Variants in KCNMB2 observed in about 807,000 individuals in gnomAD.
The protein encoded by KCNMB2 is potassium calcium-activated channel subfamily M regulatory beta subunit 2.
A neutral mutation model predicts 24.5 loss-of-function variants in KCNMB2; 9 were observed. The ratio of observed to expected loss-of-function variants is 0.37; its 90% confidence interval spans 0.22 to 0.64. KCNMB2 has a LOEUF of 0.64. Among genes scored for constraint, KCNMB2 ranks in the 30% least tolerant of loss-of-function variants. KCNMB2 has a pLI of 0.63. For missense variants in KCNMB2, 226 were observed against 284.3 expected, an observed-to-expected ratio of 0.79 and a Z score of 1.47; for synonymous variants, 109 against 104.4, an observed-to-expected ratio of 1.04 and a Z score of -0.27.
At chr3:178,826,200 C>T (rs149002389) in intron 3 of KCNMB2, among the ~76,000 whole-genome samples, 1 of 152,270 alleles carries the variant, frequency 6.6e-6, no homozygotes, top group East Asian at 1.9e-4. Context: ...CCAACCAACC[C>T]CTCCCTCACC....
chr3:178,560,764 T>C (rs1227441149), intron 1 of KCNMB2, among the ~76,000 whole-genome samples: 6 of 152,270 alleles, frequency 3.9e-5, no homozygotes, highest in Non-Finnish European at 8.8e-5. Flanking sequence ...GTCTTGTCTT[T>C]TATCAGAATT....
chr3:178,686,300 A>T (rs891945498), intron 1 of KCNMB2, among the ~76,000 whole-genome samples: 1 of 152,170 alleles, frequency 6.6e-6, no homozygotes, highest in African/African-American at 2.4e-5. Context: ...AAATGGATAA[A>T]CCTGTGCATT....
At chr3:178,554,894 A>G (rs146371295) in intron 1 of KCNMB2, among the ~76,000 whole-genome samples, 4 of 152,346 alleles carry the variant, frequency 2.6e-5, no homozygotes, top group Admixed American at 2.6e-4. Context: ...TCTGCAAGTG[A>G]CTTTATTATG....
At chr3:178,755,293 T>G (rs1723993212) in intron 1 of KCNMB2, among the ~76,000 whole-genome samples, 1 of 152,228 alleles carries the variant, frequency 6.6e-6, no homozygotes, top group Admixed American at 6.5e-5. Context: ...AGTGAGAACT[T>G]CCTCACACTT....
chr3:178,687,679 T>C (rs1207196001), intron 1 of KCNMB2, among the ~76,000 whole-genome samples: 1 of 152,208 alleles, frequency 6.6e-6, no homozygotes, highest in Admixed American at 6.5e-5. Flanking sequence ...TTTTTATGAC[T>C]GCTGCTTTTG....
At chr3:178,643,654 C>T (rs1384830709) in intron 1 of KCNMB2, among the ~76,000 whole-genome samples, 1 of 152,148 alleles carries the variant, frequency 6.6e-6, no homozygotes, top group Non-Finnish European at 1.5e-5. Flanking sequence ...GTCAGGCATC[C>T]CTGATCTCCC....
At position 178,589,050 on chromosome 3, in the gene KCNMB2, T is replaced by C. The variant is rs1717565253; in HGVS notation, c.-68+52339T>C. Among the ~76,000 whole-genome samples the C allele has an allele frequency of 2.0e-5, 3 of 152,366 alleles. No individual in the cohort carries two copies. In the South Asian group the frequency reaches 6.2e-4, roughly 32 times the overall value. ...CTAAATACTTAGTAGGGTTGCTTTT[T>C]TAAACCATCTTCTATGGCCTTAAAA... is the stretch of plus-strand genomic sequence containing the variant. On this transcript the variant is annotated intron_variant, in intron 1 of 4. Transcript: ENST00000452583.
At chr3:178,678,071 A>G (rs1245894686) in intron 1 of KCNMB2, among the ~76,000 whole-genome samples, 2 of 152,234 alleles carry the variant, frequency 1.3e-5, no homozygotes, top group Non-Finnish European at 2.9e-5. Flanking sequence ...GTCTCTAATT[A>G]GGAGAAGGTT....
intron 1 of KCNMB2, among the ~76,000 whole-genome samples, chr3:178,654,610 G>A (rs1254760821): frequency 6.6e-6 from 1 of 152,156 alleles, no homozygotes; most frequent in African/African-American, 2.4e-5. Flanking sequence ...TATCTCTTGA[G>A]GCATAGCCTT....
chr3:178,626,886 ATATATATATAGTAAG>A (rs1560137438), intron 1 of KCNMB2, among the ~76,000 whole-genome samples: 1 of 147,980 alleles, frequency 6.8e-6, no homozygotes, highest in African/African-American at 2.5e-5. Context: ...TATGTAACTT[ATATATATATAGTAAG>A]TATATATATA....
intron 1 of KCNMB2, among the ~76,000 whole-genome samples, chr3:178,552,041 A>T (rs188290362): frequency 1.2e-4 from 19 of 152,322 alleles, no homozygotes; most frequent in Non-Finnish European, 2.2e-4. Context: ...CCCAGAAGAA[A>T]GCATATGACT....
At chr3:178,597,745 A>G (rs1717928731) in intron 1 of KCNMB2, among the ~76,000 whole-genome samples, 1 of 152,144 alleles carries the variant, frequency 6.6e-6, no homozygotes, top group Non-Finnish European at 1.5e-5. Context: ...GCTCCTCACC[A>G]TTCATTTTCC....
At position 178,627,983 on chromosome 3, in the gene KCNMB2, T is replaced by C. The variant is rs192126154; in HGVS notation, c.-68+91272T>C. Among the ~76,000 whole-genome samples the C allele has an allele frequency of 2.4e-4, 37 of 152,328 alleles. No homozygotes were observed. In the East Asian group the frequency reaches 6.9e-3, roughly 29 times the overall value. On this transcript the variant is annotated intron_variant, in intron 1 of 4. Coordinates refer to ENST00000452583, the MANE Select transcript of KCNMB2 (RefSeq NM_181361.3). ...AACTGACTAGTGTGAATTTCCTGGC[T>C]AATGACAATGAGCGCAAACTAACCA...
At chr3:178,712,247 G>A (rs1445195399) in intron 1 of KCNMB2, among the ~76,000 whole-genome samples, 4 of 152,080 alleles carry the variant, frequency 2.6e-5, no homozygotes, top group Admixed American at 6.6e-5. Context: ...TGCCATAATC[G>A]GTAGATGTTG....
chr3:178,642,060 T>A (rs1226619957), intron 1 of KCNMB2, among the ~76,000 whole-genome samples: 1 of 152,156 alleles, frequency 6.6e-6, no homozygotes, highest in Admixed American at 6.6e-5. Flanking sequence ...ATTACTGCAA[T>A]CATGTGTAAT....
In KCNMB2 at chr3:178,752,598, T is replaced by C. The variant is rs541836989; in HGVS notation, c.-67-54745T>C. 3.3e-5 allele frequency among the ~76,000 whole-genome samples: 5 copies of C among 152,168 alleles called. No individual in the cohort carries two copies. The South Asian group carries it at 1.0e-3, about 32-fold the overall frequency. On this transcript the variant is annotated intron_variant, in intron 1 of 4. Coordinates refer to ENST00000452583, the MANE Select transcript of KCNMB2 (RefSeq NM_181361.3). ...CATTTCATAAATGTAAATTAGAGAA[T>C]GGAAAACTGGAGGAAAAACTGGAGA...
In KCNMB2 at chr3:178,614,287, A is replaced by G. The variant is rs374187905; in HGVS notation, c.-68+77576A>G. 9.9e-3 allele frequency among the ~76,000 whole-genome samples: 737 copies of G among 74,390 alleles called. 20 individuals carry two copies. Among genetic ancestry groups the G allele is most frequent in the African/African-American group, 0.03 (662 of 22,430 alleles). The allele number at this position is 74,390 out of a possible 152,430, so 48.8% of individuals were successfully genotyped here. A position where few individuals can be genotyped will look rare whatever the true frequency, so the allele number is the denominator to read the frequency against. On this transcript the variant is annotated intron_variant, in intron 1 of 4. Coordinates refer to ENST00000452583, the MANE Select transcript of KCNMB2 (RefSeq NM_181361.3). ...TATATATATATATATATATATATAT[A>G]TATATATATGTATGTATATATATGT...
At chr3:178,623,837 T>C (rs1334753117) in intron 1 of KCNMB2, among the ~76,000 whole-genome samples, 1 of 152,198 alleles carries the variant, frequency 6.6e-6, no homozygotes, top group East Asian at 1.9e-4. Flanking sequence ...CAGCTATTCA[T>C]GATGTCAGGG....
chr3:178,588,918 G>A (rs1398448601), intron 1 of KCNMB2, among the ~76,000 whole-genome samples: 12 of 152,142 alleles, frequency 7.9e-5, no homozygotes, highest in Non-Finnish European at 1.3e-4. Flanking sequence ...AGGACCTGTC[G>A]CAGAGAAAGT....
Sources: gnomAD v4.1 joint callset for allele counts (sites outside exome capture counted in the v4.1 genomes callset) on GRCh38, gnomAD v4.1.1 for gene constraint, MANE v1.5 for transcripts, NCBI Gene and HGNC (gene_info 2026-07-23, HGNC 2026-07-21) for gene names.